The following IQSEC1 variants were observed in gnomAD, a reference collection of about 807,000 sequenced individuals.
IQSEC1 encodes the protein IQ motif and SEC7 domain-containing protein 1.
In IQSEC1, 31 loss-of-function variants were observed where a neutral mutation model predicts 91.0. The ratio of observed to expected loss-of-function variants is 0.34; its 90% CI spans 0.26 to 0.46. The LOEUF (loss-of-function observed/expected upper bound fraction) is 0.46, where lower values mean the gene tolerates loss of function less well. Ranked by LOEUF, IQSEC1 falls within the 20% of genes least tolerant of loss-of-function variation. The pLI is 1.00. For missense variants in IQSEC1, 1,388 were observed against 1,575.6 expected, an observed-to-expected ratio of 0.88 and a Z score of 2.02; for synonymous variants, 699 against 662.6, an observed-to-expected ratio of 1.05 and a Z score of -0.84.
intron 1 of IQSEC1, among the ~76,000 whole-genome samples, chr3:13,043,210 A>T (rs1704353678): frequency 6.6e-6 from 1 of 152,226 alleles, no homozygotes; most frequent in Non-Finnish European, 1.5e-5. Flanking sequence ...ATTGTTGGGC[A>T]GAGGGACCCC....
Position 12,909,761 on chromosome 3 carries a change from C to A in IQSEC1, c.2417-327G>T, listed in dbSNP as rs556363430. ...CTTCTCTAGTCATCTCAGTTCTGGA[C>A]AGCAGTGAGCGCCATATTCTCCCGA... On this transcript the variant is annotated intron_variant, in intron 10 of 13. Transcript: ENST00000613206. The surrounding 1 kb of genome is among the most constrained non-coding windows in gnomAD (Gnocchi z 4.9). Among the ~76,000 whole-genome samples, 1 of 152,242 alleles carries A rather than the reference C, an allele frequency of 6.6e-6. No individual in the cohort carries two copies.
chr3:13,077,862 G>A (rs185905595), upstream of IQSEC1, among the ~76,000 whole-genome samples: 179 of 152,370 alleles, frequency 1.2e-3, 1 homozygote, highest in Non-Finnish European at 1.4e-3. Context: ...TTGAGCAGCA[G>A]TCCTTGATAT....
intron 2 of IQSEC1, among the ~76,000 whole-genome samples, chr3:13,156,221 G>A (rs1707084130): frequency 6.6e-6 from 1 of 151,902 alleles, no homozygotes. Context: ...GATAGAGCGA[G>A]ACTCCGTCCC....
intron 7 of IQSEC1, 28 bp from the exon 8 acceptor site, chr3:12,915,161 G>T (rs1375513650): frequency 6.2e-7 from 1 of 1,603,808 alleles, no homozygotes; most frequent in African/African-American, 1.3e-5. Context: ...ACCAACAAAA[G>T]GGTGTTCATG....
At chr3:13,156,154 C>T (rs1386035449) in intron 2 of IQSEC1, among the ~76,000 whole-genome samples, 1 of 151,796 alleles carries the variant, frequency 6.6e-6, no homozygotes, top group East Asian at 1.9e-4. Context: ...ATTGCTTGAA[C>T]CTGGGAGGCA....
intron 1 of IQSEC1, among the ~76,000 whole-genome samples, chr3:13,023,752 C>T (rs1276901397): frequency 6.6e-6 from 1 of 152,222 alleles, no homozygotes; most frequent in Admixed American, 6.5e-5. Context: ...AATCCAAAAA[C>T]AAGATAGGTT....
chr3:13,086,307 G>A (rs1001240622), intron 2 of IQSEC1, among the ~76,000 whole-genome samples: 13 of 149,452 alleles, frequency 8.7e-5, no homozygotes, highest in African/African-American at 2.9e-4. Flanking sequence ...ACCGTGGCGG[G>A]GATGACACAG....
rs1402819542 is a variant in IQSEC1, at chr3:13,191,315, C to T, written c.273-27182G>A. 3.9e-5 allele frequency among the ~76,000 whole-genome samples: 6 copies of T among 152,160 alleles called. 1 individual carries two copies. Among genetic ancestry groups the T allele is most frequent in the African/African-American group, 1.4e-4 (6 of 41,448 alleles). On this transcript the variant is annotated intron_variant, in intron 1 of 15. Transcript: ENST00000648114. The stretch of plus-strand genomic sequence containing the variant: ...TCTCCAGAGCTGGGCACAGGCTGGG[C>T]ATCTTCCTCATGCTGCCATAGCTAT...
chr3:13,267,866 C>T (rs537593954), intron 1 of IQSEC1, among the ~76,000 whole-genome samples: 94 of 152,214 alleles, frequency 6.2e-4, no homozygotes, highest in African/African-American at 2.2e-3. Context: ...ATCCACCCGC[C>T]TCGGCCTCCC....
intron 1 of IQSEC1, among the ~76,000 whole-genome samples, chr3:13,216,671 G>C (rs1158459915): frequency 2.0e-5 from 3 of 152,244 alleles, no homozygotes; most frequent in Non-Finnish European, 4.4e-5. Context: ...GAAAGCTGGA[G>C]GGTGCGGAAG....
chr3:12,973,693 C>T (rs921790932), intron 1 of IQSEC1, among the ~76,000 whole-genome samples: 3 of 152,182 alleles, frequency 2.0e-5, no homozygotes, highest in Admixed American at 6.5e-5. Context: ...ATCAAAATAT[C>T]TCATGTGACC....
At chr3:13,120,578 C>A (rs979610617) in intron 2 of IQSEC1, among the ~76,000 whole-genome samples, 22 of 152,192 alleles carry the variant, frequency 1.4e-4, no homozygotes, top group African/African-American at 4.8e-4. Context: ...TGCTCACAGT[C>A]TAGAGGGAGG....
intron 1 of IQSEC1, among the ~76,000 whole-genome samples, chr3:13,046,937 C>T (rs919943287): frequency 1.3e-5 from 2 of 152,244 alleles, no homozygotes; most frequent in African/African-American, 4.8e-5. Context: ...GAGCTTTCCT[C>T]TAAGCGCAGT....
intron 1 of IQSEC1, among the ~76,000 whole-genome samples, chr3:12,996,561 A>C (rs2125648851): frequency 6.6e-6 from 1 of 152,346 alleles, no homozygotes; most frequent in South Asian, 2.1e-4. Flanking sequence ...AAAAATTAAA[A>C]CTATGTAAAT....
chr3:12,996,781 A>C (rs1445534903), intron 1 of IQSEC1, among the ~76,000 whole-genome samples: 2 of 152,268 alleles, frequency 1.3e-5, no homozygotes, highest in Non-Finnish European at 2.9e-5. Flanking sequence ...GCTCATGGAA[A>C]GATCTTCAAT....
chr3:13,088,920 C>T (rs1233117875), intron 2 of IQSEC1, among the ~76,000 whole-genome samples: 1 of 152,228 alleles, frequency 6.6e-6, no homozygotes, highest in Non-Finnish European at 1.5e-5. Context: ...ATTGCAGATC[C>T]TAGGGACATC....
rs144801312 is a variant in IQSEC1 at position 12,922,138 on chromosome 3, C to T, written c.1835G>A (p.Arg612Gln). The T allele has an allele frequency of 1.7e-5, 28 of 1,608,678 alleles. No homozygotes were observed. Among genetic ancestry groups the T allele is most frequent in the African/African-American group, 5.3e-5 (4 of 74,866 alleles). ...RVQGEAQKVE[R>Q]LIEAFSQRYC... ...GCCCCACCTGAACGCCTCTATGAGC[C>T]GCTCCACTTTCTGAGCCTCCCCTTG... is the stretch of plus-strand genomic sequence containing the variant. The change falls in exon 5 of 14, where the codon CGG becomes CAG. Residue 612 changes from arginine (R) to glutamine (Q), a missense_variant. Arg to Gln is a conservative substitution (Grantham distance 43). Transcript: ENST00000613206. This position sits in a 1 kb window ranked among gnomAD's most constrained non-coding sequence, Gnocchi z 5.1.
chr3:13,003,021 T>C (rs1305652826), intron 1 of IQSEC1, among the ~76,000 whole-genome samples: 1 of 152,148 alleles, frequency 6.6e-6, no homozygotes, highest in Non-Finnish European at 1.5e-5. Context: ...TCAAATCTTG[T>C]ATGCAAATAT....
intron 9 of IQSEC1, among the ~76,000 whole-genome samples, chr3:12,912,517 A>G (rs1268749728): frequency 6.6e-6 from 1 of 152,180 alleles, no homozygotes; most frequent in Non-Finnish European, 1.5e-5. Context: ...GCCAGTCCTC[A>G]TACCCAATCA....
Sources: gnomAD v4.1 joint callset for allele counts (sites outside exome capture counted in the v4.1 genomes callset) on GRCh38, gnomAD v4.1.1 for gene constraint, Gnocchi (gnomAD v3.1) non-coding constraint, MANE v1.5 for transcripts, NCBI Gene and HGNC (gene_info 2026-07-23, HGNC 2026-07-21) for gene names.